Variants in IFI27L2 observed in about 807,000 individuals in gnomAD.
The protein encoded by IFI27L2 is interferon alpha inducible protein 27 like 2, also known as interferon alpha-inducible protein 27-like protein 2.
IFI27L2 carries 8 observed loss-of-function variants against 7.9 expected under a neutral mutation model. The observed-to-expected ratio is 1.02, with a 90% CI of 0.60 to 1.84. The LOEUF (loss-of-function observed/expected upper bound fraction) is 1.84, where lower values mean the gene tolerates loss of function less well. Among genes scored for constraint, IFI27L2 ranks in the 40% most tolerant of loss-of-function variants. The pLI is 0.00. For missense variants in IFI27L2, 190 were observed against 165.8 expected, an observed-to-expected ratio of 1.15 and a Z score of -0.80; for synonymous variants, 56 against 66.5, an observed-to-expected ratio of 0.84 and a Z score of 0.77.
intron 3 of IFI27L2, 40 bp from the exon 4 acceptor site, chr14:94,128,032 T>C (rs1567084557): frequency 1.4e-6 from 2 of 1,456,340 alleles, no homozygotes; most frequent in Non-Finnish European, 1.9e-6. Flanking sequence ...GGTCGGGCAG[T>C]GGCCCAGAAA....
In IFI27L2 at chr14:94,128,517, C is replaced by T. The variant is rs201447722; in HGVS notation, c.196G>A (p.Val66Met). 50 of 1,614,032 alleles carry T rather than the reference C, an allele frequency of 3.1e-5. 1 individual carries two copies. The Admixed American group carries it at 5.0e-4, about 16-fold the overall frequency. The change falls in exon 3 of 4, where the codon GTG becomes ATG. Residue 66 changes from valine to methionine, a missense_variant. Physicochemically the swap from Val to Met is conservative, Grantham distance 21. Coordinates refer to ENST00000238609, the MANE Select transcript of IFI27L2 (RefSeq NM_032036.3). ...TGGTCCTGTCTAGGACACTTACCCA[C>T]GGACTGCAGAGTAGCCACCAGGCTC... ...AGSLVATLQS[V>M]GAAGLSTSSN...
intron 2 of IFI27L2, chr14:94,128,937 T>C (rs985769414): frequency 1.7e-6 from 1 of 582,172 alleles, no homozygotes; most frequent in Non-Finnish European, 3.0e-6. Context: ...CCTTCATTGG[T>C]CTCAAATTTG....
At position 94,128,664 on chromosome 14, in the gene IFI27L2, C is replaced by G; in HGVS notation, c.49G>C (p.Gly17Arg). 2 of 1,612,326 alleles carry G rather than the reference C, an allele frequency of 1.2e-6. No individual in the cohort carries two copies. ...GCACTGAGCACCACGGGCACAGCCC[C>G]CACTGCCAGGGCTGTGGGGAGAGAG... is the stretch of plus-strand genomic sequence containing the variant. ...AAAVGGALAV[G>R]AVPVVLSAMG... Residue 17 changes from glycine (G) to arginine (R), a missense_variant, in exon 3 of 4, where the codon GGG becomes CGG. By Grantham distance (125) the Gly-to-Arg change is moderately radical. Transcript: ENST00000238609.
intron 1 of IFI27L2, 46 bp from the exon 2 acceptor site, chr14:94,129,337 G>T: frequency 6.4e-6 from 8 of 1,258,076 alleles, no homozygotes; most frequent in Non-Finnish European, 7.6e-6. Context: ...TGGGAAAGGG[G>T]AGAAAGAGGA....
Position 94,128,007 on chromosome 14 carries a change from G to C in IFI27L2, c.200-15C>G, listed in dbSNP as rs577955452. Reference sequence around the variant, plus strand: ...TCCAGCTGCCCCTGTGGAGGAGACAGAGAATGAGCACAGGGGTCGGGCAGT... The same window carrying C: ...TCCAGCTGCCCCTGTGGAGGAGACACAGAATGAGCACAGGGGTCGGGCAGT... On this transcript the variant is annotated splice_polypyrimidine_tract_variant and intron_variant, in intron 3 of 3. Transcript: ENST00000238609. 60 of 1,593,870 alleles carry C rather than the reference G, an allele frequency of 3.8e-5. 1 individual carries two copies. The South Asian group carries it at 6.4e-4, about 17-fold the overall frequency.
chr14:94,127,833 T>G lies in IFI27L2; in HGVS notation c.359A>C (p.Lys120Thr). The G allele has an allele frequency of 1.9e-6, 3 of 1,614,122 alleles. No homozygotes were observed. The highest frequency in any genetic ancestry group is 2.5e-6 in the Non-Finnish European group (3 of 1,179,976). Residue 120 changes from lysine to threonine, a missense_variant, in exon 4 of 4, where the codon AAA (lysine) becomes ACA (threonine). Lys to Thr is a moderately conservative substitution (Grantham distance 78). Transcript: ENST00000238609. The stretch of plus-strand genomic sequence containing the variant: ...ATGTTTCTCTGACTTGAGTGGGGGT[T>G]TTGGAGGTTCACCTTGGGGTACATT... ...RENVPQGEPP[K>T]PPLKSEKHEE
chr14:94,129,333 A>G, intron 1 of IFI27L2, 42 bp from the exon 2 acceptor site: 1 of 1,109,974 alleles, frequency 9.0e-7, no homozygotes, highest in Non-Finnish European at 1.3e-6. Flanking sequence ...GAGATGGGAA[A>G]GGGGAGAAAG....
chr14:94,128,349 C>T (rs1452675053), intron 3 of IFI27L2, 165 bp downstream of exon 3: 1 of 659,048 alleles, frequency 1.5e-6, no homozygotes, highest in Non-Finnish European at 2.6e-6. Flanking sequence ...CCACTCCTAC[C>T]CCAAACCTCA....
chr14:94,128,026 G>T, intron 3 of IFI27L2, 34 bp from the exon 4 acceptor site: 9 of 1,492,816 alleles, frequency 6.0e-6, no homozygotes, highest in Non-Finnish European at 8.4e-6. Flanking sequence ...CACAGGGGTC[G>T]GGCAGTGGCC....
Position 94,129,544 on chromosome 14 carries a change from G to GT in IFI27L2, c.7+13_7+14insA, listed in dbSNP as rs530298766. ...CAGCCCAGCCCGCCAGCCCCCTGGG[G>GT]AAGCAAGACTCACTCATCATGGTGA... On this transcript the variant is annotated intron_variant, in intron 1 of 3. Transcript: ENST00000238609. 9.4e-4 allele frequency: 1,512 copies of GT among 1,613,376 alleles called. 7 individuals are homozygous for GT. The African/African-American group carries it at 0.018, about 19-fold the overall frequency.
At chr14:94,128,945 T>TGTGTGTGTG in intron 2 of IFI27L2, 2 of 531,886 alleles carry the variant, frequency 3.8e-6, no homozygotes, top group East Asian at 3.0e-5. Context: ...GGTCTCAAAT[T>TGTGTGTGTG]TGTGTGTGTG....
At chr14:94,128,405 C>G in intron 3 of IFI27L2, 109 bp downstream of exon 3, 2 of 975,096 alleles carry the variant, frequency 2.1e-6, no homozygotes, top group Non-Finnish European at 3.2e-6. Context: ...AGACTGAAGA[C>G]CCAGGAAGCT....
At position 94,128,094 on chromosome 14, in the gene IFI27L2, G is replaced by C; in HGVS notation, c.200-102C>G. The stretch of plus-strand genomic sequence containing the variant: ...CTGAAAATCCCAGGGCTCTGCCATG[G>C]GTAGAAGCTGCTAGAGGCAACTAAA... On this transcript the variant is annotated intron_variant, in intron 3 of 3. Transcript: ENST00000238609. 5 of 753,324 alleles carry C rather than the reference G, an allele frequency of 6.6e-6. No homozygotes were observed. The South Asian group carries it at 8.9e-5, about 13-fold the overall frequency. 46.7% of individuals were successfully genotyped at this position (753,324 alleles called of 1,614,324 possible). A position where few individuals can be genotyped will look rare whatever the true frequency, so the allele number is the denominator to read the frequency against.
In IFI27L2 at chr14:94,127,964, G is replaced by A; in HGVS notation, c.228C>T (p.Asn76=). ...CTGACCCAACAGAGGCCAGGAGGAT[G>A]TTGGATGATGTGGAGAGTCCAGCTG... ...VGAAGLSTSS[N]ILLASVGSVL... is the part of the protein sequence containing the mutation. Residue 76 remains asparagine (N), a synonymous_variant, in exon 4 of 4, where the codon AAC becomes AAT. Coordinates refer to ENST00000238609, the MANE Select transcript of IFI27L2 (RefSeq NM_032036.3). 6.2e-7 allele frequency: 1 copy of A among 1,613,618 alleles called. No homozygotes were observed.
rs1244674966 is a variant in IFI27L2, at chr14:94,127,804, C to A, written c.388G>T (p.Glu130Ter). ...GATGCATCTGCATGTGACCTTTATT[C>A]CTCATGTTTCTCTGACTTGAGTGGG... is the stretch of plus-strand genomic sequence containing the variant. ...KPPLKSEKHE[E>*] The change falls in exon 4 of 4, where the codon GAA becomes TAA. Residue 130 changes from glutamate (E) to a stop codon, truncating the protein, a stop_gained. Transcript: ENST00000238609. LOFTEE classifies it high-confidence loss of function. 2 of 1,612,864 alleles carry A rather than the reference C, an allele frequency of 1.2e-6. No individual in the cohort carries two copies. Among genetic ancestry groups the A allele is most frequent in the East Asian group, 2.2e-5 (1 of 44,884 alleles).
Position 94,127,877 on chromosome 14 carries a change from T to A in IFI27L2, c.315A>T (p.Lys105Asn), listed in dbSNP as rs774303942. The change falls in exon 4 of 4, where the codon AAA (lysine) becomes AAT (asparagine). Residue 105 changes from lysine to asparagine, a missense_variant. Transcript: ENST00000238609. Reference protein sequence around the residue: ...SSSLPAEPEAKEDEARENVPQ... With the variant: ...SSSLPAEPEANEDEARENVPQ... Reference sequence around the variant, plus strand: ...GTACATTTTCTCTTGCCTCATCTTCTTTAGCCTCGGGTTCAGCTGGGAGAG... The same window carrying A: ...GTACATTTTCTCTTGCCTCATCTTCATTAGCCTCGGGTTCAGCTGGGAGAG... 8 of 1,614,004 alleles carry A rather than the reference T, an allele frequency of 5.0e-6. No homozygotes were observed. The South Asian group carries it at 6.6e-5, about 13-fold the overall frequency.
At position 94,127,940 on chromosome 14, in the gene IFI27L2, T is replaced by G. The variant is rs200313891; in HGVS notation, c.252A>C (p.Ser84=). 10 of 1,613,960 alleles carry G rather than the reference T, an allele frequency of 6.2e-6. No homozygotes were observed. ...SSNILLASVG[S]VLGACLGNSP... ...AATTCCCCAAGCAGGCCCCCAACAC[T>G]GACCCAACAGAGGCCAGGAGGATGT... The change falls in exon 4 of 4, where the codon TCA becomes TCC. Residue 84 remains serine (S), a synonymous_variant. Coordinates refer to ENST00000238609, the MANE Select transcript of IFI27L2 (RefSeq NM_032036.3).
At chr14:94,128,198 G>A (rs1887619344) in intron 3 of IFI27L2, among the ~76,000 whole-genome samples, 3 of 152,166 alleles carry the variant, frequency 2.0e-5, no homozygotes, top group Admixed American at 2.0e-4. Context: ...GAGCTACAGA[G>A]CCCCTCACTT....
At chr14:94,128,782 G>A in intron 2 of IFI27L2, 107 bp from the exon 3 acceptor site, 2 of 897,100 alleles carry the variant, frequency 2.2e-6, no homozygotes, top group Non-Finnish European at 3.4e-6. Context: ...CTGTCAGCTT[G>A]AGCAATACAG....
Sources: allele counts gnomAD v4.1 joint callset (sites outside exome capture counted in the v4.1 genomes callset), GRCh38; gene constraint gnomAD v4.1.1; transcripts MANE v1.5; gene names NCBI Gene and HGNC (gene_info 2026-07-23, HGNC 2026-07-21).